The following MED13L variants were observed in gnomAD, a reference collection of about 807,000 sequenced individuals.
MED13L encodes mediator of RNA polymerase II transcription subunit 13-like.
In MED13L, 7 loss-of-function variants were observed where a neutral mutation model predicts 220.9. The observed-to-expected ratio is 0.03, with a 90% CI of 0.02 to 0.06. The LOEUF is 0.06. Among genes scored for constraint, MED13L ranks in the 10% least tolerant of loss-of-function variants. The pLI, the probability that MED13L is intolerant of heterozygous loss-of-function variation, is 1.00. For synonymous variants in MED13L, 1,011 were observed against 1,015.2 expected (o/e 1.00, Z 0.08); for missense variants, 1,965 against 2,760.5 (o/e 0.71, Z 6.46).
At position 116,034,483 on chromosome 12, in the gene MED13L, A is replaced by G. The variant is rs539406893; in HGVS notation, c.480-11882T>C. Among the ~76,000 whole-genome samples the G allele has an allele frequency of 5.3e-5, 8 of 152,318 alleles. No individual in the cohort carries two copies. In the South Asian group the frequency reaches 1.7e-3, roughly 32 times the overall value. ...AGCCTTGAGAACAATCTCTCTACGC[A>G]TTCTTCTGAAGGGAGCCTGCATGAG... On this transcript the variant is annotated intron_variant, in intron 4 of 30. Coordinates refer to ENST00000281928, the MANE Select transcript of MED13L (RefSeq NM_015335.5).
chr12:116,049,898 AAAATGT>A (rs1882050638), intron 4 of MED13L, among the ~76,000 whole-genome samples: 1 of 152,248 alleles, frequency 6.6e-6, no homozygotes, highest in African/African-American at 2.4e-5. Context: ...AATAGAATTG[AAAATGT>A]AAATAAAATT....
chr12:116,094,535 G>A (rs904100994), intron 4 of MED13L, among the ~76,000 whole-genome samples: 2 of 152,144 alleles, frequency 1.3e-5, no homozygotes, highest in Non-Finnish European at 2.9e-5. Context: ...AAAATAGGCT[G>A]ATAATGATAG....
intron 1 of MED13L, among the ~76,000 whole-genome samples, chr12:116,247,237 T>TAA (rs34866444): frequency 5.4e-4 from 79 of 145,090 alleles, no homozygotes; most frequent in African/African-American, 2.0e-3. Flanking sequence ...AGCTCTGCTT[T>TAA]AAAAAAAAAA....
At chr12:116,112,743 C>T (rs953220105) in intron 2 of MED13L, among the ~76,000 whole-genome samples, 1 of 152,214 alleles carries the variant, frequency 6.6e-6, no homozygotes. Flanking sequence ...CAGAACATTC[C>T]GAAATTTCCA....
At chr12:116,008,102 A>C (rs182128236) in intron 10 of MED13L, 1 of 405,384 alleles carries the variant, frequency 2.5e-6, no homozygotes, top group African/African-American at 2.0e-5. Context: ...AGCAGTATGG[A>C]AAGTCTTATA....
rs1421057702 is a variant in MED13L, at chr12:116,194,551, C to T, written c.310+42917G>A. Among the ~76,000 whole-genome samples the T allele has an allele frequency of 3.9e-5, 6 of 152,272 alleles. No individual in the cohort carries two copies. The East Asian group carries it at 1.2e-3, about 29-fold the overall frequency. On this transcript the variant is annotated intron_variant, in intron 2 of 30. Coordinates refer to ENST00000281928, the MANE Select transcript of MED13L (RefSeq NM_015335.5). ...CTTCATCTACAAATCCTCAATCCAT[C>T]TGATCAAATTCACCTTAACCACATT... is the stretch of plus-strand genomic sequence containing the variant.
At chr12:116,007,895 C>G (rs976143648) in intron 10 of MED13L, 4 of 491,896 alleles carry the variant, frequency 8.1e-6, no homozygotes, top group Non-Finnish European at 1.5e-5. Flanking sequence ...CATTTACTAA[C>G]TGCATGGCCC....
intron 2 of MED13L, among the ~76,000 whole-genome samples, chr12:116,114,666 C>A (rs1208600069): frequency 6.6e-6 from 1 of 152,110 alleles, no homozygotes; most frequent in Non-Finnish European, 1.5e-5. Context: ...AAGAAATAAT[C>A]GTCTCTATTT....
At chr12:116,024,095 A>G (rs1880229611) in intron 4 of MED13L, among the ~76,000 whole-genome samples, 2 of 152,182 alleles carry the variant, frequency 1.3e-5, no homozygotes, top group South Asian at 4.1e-4. Context: ...TGTAGTTACT[A>G]GCTTATTTAT....
chr12:116,086,520 G>A (rs1173300734), intron 4 of MED13L, among the ~76,000 whole-genome samples: 1 of 152,050 alleles, frequency 6.6e-6, no homozygotes, highest in African/African-American at 2.4e-5. Context: ...GACCTCAAGT[G>A]ATCTGCCTGT....
chr12:116,135,175 A>C (rs1344692957), intron 2 of MED13L, among the ~76,000 whole-genome samples: 1 of 152,188 alleles, frequency 6.6e-6, no homozygotes, highest in Non-Finnish European at 1.5e-5. Context: ...TCTCAAACAA[A>C]CAAACAAACA....
intron 2 of MED13L, among the ~76,000 whole-genome samples, chr12:116,128,333 A>G (rs1414423650): frequency 1.3e-5 from 2 of 150,976 alleles, no homozygotes; most frequent in South Asian, 2.1e-4. Flanking sequence ...AAATAGCCAA[A>G]CAGACACGTT....
chr12:116,071,420 T>TTTTTG (rs1041537610), intron 4 of MED13L, among the ~76,000 whole-genome samples: 46 of 152,318 alleles, frequency 3.0e-4, no homozygotes, highest in African/African-American at 7.5e-4. Context: ...TTTGTTGTTG[T>TTTTTG]TTTTGTTTTG....
intron 9 of MED13L, among the ~76,000 whole-genome samples, chr12:116,011,471 T>C (rs1270589144): frequency 1.3e-5 from 2 of 152,210 alleles, no homozygotes; most frequent in Non-Finnish European, 2.9e-5. Flanking sequence ...TGAAAAAATC[T>C]GGGCTAAGGA....
At chr12:115,976,179 T>A (rs2137245805) in intron 23 of MED13L, among the ~76,000 whole-genome samples, 1 of 152,300 alleles carries the variant, frequency 6.6e-6, no homozygotes, top group East Asian at 1.9e-4. Flanking sequence ...ACCAACAAAA[T>A]GCACATATAT....
rs569082933 is a variant in MED13L at position 116,274,556 on chromosome 12, T to C, written c.72+2504A>G. ...CTTCAGAAATAACTATGATATACAA[T>C]GTACTTTGGGCAACATATTTTTAAT... On this transcript the variant is annotated intron_variant, in intron 1 of 30. Coordinates refer to ENST00000281928, the MANE Select transcript of MED13L (RefSeq NM_015335.5). Among the ~76,000 whole-genome samples, 4 of 151,926 alleles carry C rather than the reference T, an allele frequency of 2.6e-5. No homozygotes were observed. The South Asian group carries it at 6.2e-4, about 24-fold the overall frequency.
intron 2 of MED13L, among the ~76,000 whole-genome samples, chr12:116,173,687 C>T (rs11067930): frequency 0.012 from 1,817 of 152,136 alleles, 24 homozygotes; most frequent in Admixed American, 0.016. Context: ...GATAACAAAA[C>T]GAGAAATTCA....
At chr12:116,009,247 A>C (rs563303700) in intron 9 of MED13L, 115 bp from the exon 10 acceptor site, 8 of 978,430 alleles carry the variant, frequency 8.2e-6, no homozygotes, top group Non-Finnish European at 1.5e-6. Context: ...AAGGGCTCTA[A>C]GTTTTTAATT....
At chr12:116,099,121 TG>T (rs1205201750) in intron 3 of MED13L, among the ~76,000 whole-genome samples, 1 of 152,134 alleles carries the variant, frequency 6.6e-6, no homozygotes, top group Non-Finnish European at 1.5e-5. Context: ...TTTTTGTAGA[TG>T]AAGAAGCTGA....
Sources: gnomAD v4.1 joint callset for allele counts (sites outside exome capture counted in the v4.1 genomes callset) on GRCh38, gnomAD v4.1.1 for gene constraint, MANE v1.5 for transcripts, NCBI Gene and HGNC (gene_info 2026-07-23, HGNC 2026-07-21) for gene names.